HCN1: variants seen among roughly 807,000 people sequenced by gnomAD.
The protein encoded by HCN1 is potassium/sodium hyperpolarization-activated cyclic nucleotide-gated channel 1.
In HCN1, 13 loss-of-function variants were observed where a neutral mutation model predicts 78.9. That is an observed-to-expected ratio of 0.16 (90% CI 0.11 to 0.26). The LOEUF is 0.26. Among genes scored for constraint, HCN1 ranks in the 10% least tolerant of loss-of-function variants. The pLI is 1.00. For missense variants in HCN1, 810 were observed against 1,154.3 expected, an observed-to-expected ratio of 0.70 and a Z score of 4.32; for synonymous variants, 552 against 455.5, an observed-to-expected ratio of 1.21 and a Z score of -2.70.
intron 2 of HCN1, among the ~76,000 whole-genome samples, chr5:45,511,784 G>A (rs1489646634): frequency 6.6e-6 from 1 of 151,920 alleles, no homozygotes; most frequent in Non-Finnish European, 1.5e-5. Flanking sequence ...AAAAAACTAA[G>A]CAATATGAAT....
chr5:45,289,365 G>C (rs1235051185), intron 6 of HCN1, among the ~76,000 whole-genome samples: 1 of 152,020 alleles, frequency 6.6e-6, no homozygotes, highest in Non-Finnish European at 1.5e-5. Context: ...TACCCTGGTT[G>C]CTTTCATGCA....
intron 3 of HCN1, among the ~76,000 whole-genome samples, chr5:45,421,182 C>A (rs1740219693): frequency 6.6e-6 from 1 of 152,086 alleles, no homozygotes; most frequent in Non-Finnish European, 1.5e-5. Context: ...CCTGCCTCAG[C>A]TTCCTGAGTA....
intron 5 of HCN1, among the ~76,000 whole-genome samples, chr5:45,333,675 T>C (rs932681593): frequency 2.0e-5 from 3 of 151,810 alleles, no homozygotes; most frequent in Admixed American, 6.6e-5. Context: ...TGGCTAGAGA[T>C]AGGGGTCTAG....
intron 2 of HCN1, among the ~76,000 whole-genome samples, chr5:45,524,036 T>C (rs1225147673): frequency 2.6e-5 from 4 of 152,216 alleles, no homozygotes; most frequent in Non-Finnish European, 5.9e-5. Context: ...TTAATTTTTG[T>C]ATAAGGTGTA....
chr5:45,600,456 T>A (rs1472495944), intron 2 of HCN1, among the ~76,000 whole-genome samples: 2 of 152,182 alleles, frequency 1.3e-5, no homozygotes, highest in East Asian at 1.9e-4. Flanking sequence ...TGTGATAAAA[T>A]TTTTAGTTGC....
intron 2 of HCN1, among the ~76,000 whole-genome samples, chr5:45,490,347 A>G (rs1741857243): frequency 6.6e-6 from 1 of 152,150 alleles, no homozygotes; most frequent in African/African-American, 2.4e-5. Flanking sequence ...GTTTTTCCAA[A>G]ACTGTTGGTC....
At chr5:45,281,125 G>C (rs1745154821) in intron 6 of HCN1, among the ~76,000 whole-genome samples, 1 of 152,084 alleles carries the variant, frequency 6.6e-6, no homozygotes, top group Admixed American at 6.6e-5. Flanking sequence ...GTTTTTGTTA[G>C]TATGTTGATA....
intron 5 of HCN1, among the ~76,000 whole-genome samples, chr5:45,325,707 T>C (rs1469061661): frequency 4.6e-5 from 7 of 151,714 alleles, no homozygotes; most frequent in Non-Finnish European, 8.9e-5. Flanking sequence ...CAGATCTTAA[T>C]GAATTAAAAA....
intron 2 of HCN1, chr5:45,642,528 A>G (rs1745476043): frequency 6.6e-6 from 1 of 152,066 alleles, no homozygotes. Context: ...GGAATGATTC[A>G]TTTAGAACAG....
intron 2 of HCN1, among the ~76,000 whole-genome samples, chr5:45,499,057 G>A (rs1157477618): frequency 6.6e-6 from 1 of 152,186 alleles, no homozygotes; most frequent in Non-Finnish European, 1.5e-5. Context: ...CCTGCCCCCA[G>A]AGGTGGAGCC....
chr5:45,569,165 C>G (rs1743775798), intron 2 of HCN1, among the ~76,000 whole-genome samples: 1 of 152,128 alleles, frequency 6.6e-6, no homozygotes, highest in Non-Finnish European at 1.5e-5. Context: ...CTTTTGTCCT[C>G]CAATCATACT....
At chr5:45,305,211 A>G (rs1745701858) in intron 5 of HCN1, among the ~76,000 whole-genome samples, 1 of 152,156 alleles carries the variant, frequency 6.6e-6, no homozygotes. Context: ...CATCAATTCC[A>G]AGACTGAGAA....
chr5:45,586,843 C>T (rs1345975857), intron 2 of HCN1, among the ~76,000 whole-genome samples: 1 of 152,118 alleles, frequency 6.6e-6, no homozygotes, highest in Non-Finnish European at 1.5e-5. Flanking sequence ...TGTGGTTTTG[C>T]TGTATGTAAT....
intron 4 of HCN1, among the ~76,000 whole-genome samples, chr5:45,378,502 A>G (rs964902517): frequency 6.6e-6 from 1 of 152,092 alleles, no homozygotes; most frequent in African/African-American, 2.4e-5. Context: ...TCTACCTCTA[A>G]CTGGAAAATT....
chr5:45,557,152 C>T (rs1743486877), intron 2 of HCN1, among the ~76,000 whole-genome samples: 1 of 152,056 alleles, frequency 6.6e-6, no homozygotes, highest in African/African-American at 2.4e-5. Context: ...TTCCCAATTC[C>T]TCCCAAAGCT....
chr5:45,539,530 TGGCG>T (rs1743046989), intron 2 of HCN1, among the ~76,000 whole-genome samples: 1 of 150,494 alleles, frequency 6.6e-6, no homozygotes, highest in African/African-American at 2.4e-5. Flanking sequence ...CCTGGCGTGG[TGGCG>T]GGCACCTGTA....
At chr5:45,548,681 A>T (rs1743285430) in intron 2 of HCN1, among the ~76,000 whole-genome samples, 1 of 152,134 alleles carries the variant, frequency 6.6e-6, no homozygotes, top group African/African-American at 2.4e-5. Context: ...AAGGGTATTC[A>T]ACTAGGAAAA....
At chr5:45,547,860 C>A (rs62369104) in intron 2 of HCN1, among the ~76,000 whole-genome samples, 8 of 151,736 alleles carry the variant, frequency 5.3e-5, no homozygotes, top group Non-Finnish European at 1.0e-4. Context: ...TGATATTAAT[C>A]CTTTTACGCA....
At chr5:45,396,448 A>C in intron 4 of HCN1, 44 bp downstream of exon 4, 1 of 1,447,208 alleles carries the variant, frequency 6.9e-7, no homozygotes. Flanking sequence ...TTACTGGTTC[A>C]GGTTAGCTGG....
Sources: gnomAD v4.1 joint callset for allele counts (sites outside exome capture counted in the v4.1 genomes callset) on GRCh38, gnomAD v4.1.1 for gene constraint, MANE v1.5 for transcripts, NCBI Gene and HGNC (gene_info 2026-07-23, HGNC 2026-07-21) for gene names.